Variants in PIK3C2A observed in about 807,000 individuals in gnomAD.
PIK3C2A encodes the protein phosphatidylinositol 4-phosphate 3-kinase C2 domain-containing subunit alpha.
Under a neutral mutation model 204.5 loss-of-function variants are expected in PIK3C2A, and 97 were observed. The ratio of observed to expected loss-of-function variants is 0.47; its 90% confidence interval spans 0.40 to 0.56. PIK3C2A has a LOEUF of 0.56. Ranked by LOEUF, PIK3C2A falls within the 20% of genes least tolerant of loss-of-function variation. The probability of loss-of-function intolerance (pLI) is 0.00; values close to 1 mark genes in which losing one functional copy is unlikely to be tolerated. For missense variants in PIK3C2A, 1,735 were observed against 1,969.2 expected, an observed-to-expected ratio of 0.88 and a Z score of 2.25; for synonymous variants, 653 against 664.4, an observed-to-expected ratio of 0.98 and a Z score of 0.26.
chr11:17,163,295 G>A lies in PIK3C2A; in HGVS notation c.1065+5382C>T, dbSNP rs186171153. Among the ~76,000 whole-genome samples, 21 of 152,216 alleles carry A rather than the reference G, an allele frequency of 1.4e-4. No homozygotes were observed. The South Asian group carries it at 1.7e-3, about 12-fold the overall frequency. On this transcript the variant is annotated intron_variant, in intron 2 of 32. Transcript: ENST00000691414. ...CACTCCAGAGCCTGGGTGACAGAGC[G>A]AGACCCTGTTTCAAAAAAACAAACA...
intron 25 of PIK3C2A, among the ~76,000 whole-genome samples, chr11:17,100,894 C>T (rs924767024): frequency 2.0e-5 from 3 of 152,110 alleles, no homozygotes; most frequent in Admixed American, 6.6e-5. Context: ...TTTTACTTAA[C>T]GATAATATAT....
chr11:17,132,931 G>T (rs1298112238), intron 11 of PIK3C2A, among the ~76,000 whole-genome samples: 4 of 152,102 alleles, frequency 2.6e-5, no homozygotes, highest in Admixed American at 2.6e-4. Flanking sequence ...GATACAGTCA[G>T]GTAATCTTGT....
intron 1 of PIK3C2A, among the ~76,000 whole-genome samples, chr11:17,181,886 G>A (rs564057200): frequency 6.6e-6 from 1 of 151,908 alleles, no homozygotes; most frequent in Admixed American, 6.6e-5. Context: ...GAGGTCAGGA[G>A]TTCGAGACCA....
At chr11:17,195,173 G>A (rs1220429034) in intron 1 of PIK3C2A, among the ~76,000 whole-genome samples, 1 of 152,058 alleles carries the variant, frequency 6.6e-6, no homozygotes, top group Non-Finnish European at 1.5e-5. Context: ...CCAGCACTTT[G>A]GGAGGCCGAG....
chr11:17,125,210 A>T (rs1849484346), intron 13 of PIK3C2A, among the ~76,000 whole-genome samples: 1 of 152,186 alleles, frequency 6.6e-6, no homozygotes, highest in Non-Finnish European at 1.5e-5. Flanking sequence ...GGCACTGATG[A>T]TCACTGCTTA....
Position 17,088,969 on chromosome 11 carries a change from G to C in PIK3C2A, c.*769C>G, listed in dbSNP as rs1476516881. ...TAGATAACTAATTCATACATCAGAAGTAAAGGATTTTTTTGTGGGAAAAAC... is the reference window on the plus strand; with the variant it reads ...TAGATAACTAATTCATACATCAGAACTAAAGGATTTTTTTGTGGGAAAAAC... On this transcript the variant is annotated 3_prime_UTR_variant, in exon 33 of 33. Transcript: ENST00000691414. 6.6e-6 allele frequency: 1 copy of C among 152,196 alleles called. No individual in the cohort carries two copies. The highest frequency in any genetic ancestry group is 2.4e-5 in the African/African-American group (1 of 41,448). 9.4% of individuals were successfully genotyped at this position (152,196 alleles called of 1,614,324 possible). A position where few individuals can be genotyped will look rare whatever the true frequency, so the allele number is the denominator to read the frequency against.
chr11:17,113,221 G>T (rs557416300), intron 20 of PIK3C2A, among the ~76,000 whole-genome samples: 1 of 151,990 alleles, frequency 6.6e-6, no homozygotes. Flanking sequence ...TAACAGATAC[G>T]CAAAAATACT....
chr11:17,160,102 A>T (rs982787393), intron 2 of PIK3C2A, among the ~76,000 whole-genome samples: 2 of 152,238 alleles, frequency 1.3e-5, no homozygotes, highest in African/African-American at 4.8e-5. Flanking sequence ...CTCATGGCCT[A>T]GTCAAGCTGA....
intron 13 of PIK3C2A, among the ~76,000 whole-genome samples, chr11:17,125,163 C>A (rs1456514507): frequency 6.6e-6 from 1 of 152,198 alleles, no homozygotes; most frequent in Non-Finnish European, 1.5e-5. Context: ...GGCATTTTCA[C>A]AGATTTTAAG....
intron 32 of PIK3C2A, among the ~76,000 whole-genome samples, chr11:17,090,225 T>C (rs1168093597): frequency 6.6e-6 from 1 of 152,174 alleles, no homozygotes; most frequent in East Asian, 1.9e-4. Context: ...TCCCAGCACT[T>C]TGGGAGGCTG....
chr11:17,148,572 A>G (rs1054991162), intron 5 of PIK3C2A, 95 bp downstream of exon 5: 29 of 1,018,422 alleles, frequency 2.8e-5, no homozygotes, highest in Admixed American at 4.6e-5. Flanking sequence ...GATCCAATGT[A>G]TTTCTGCATT....
At chr11:17,149,663 A>C (rs1332319464) in intron 4 of PIK3C2A, among the ~76,000 whole-genome samples, 1 of 152,170 alleles carries the variant, frequency 6.6e-6, no homozygotes, top group African/African-American at 2.4e-5. Flanking sequence ...CAGTGAGCCA[A>C]GATCATGCCA....
In PIK3C2A at chr11:17,169,727, A is replaced by G; in HGVS notation, c.15T>C (p.Ser5=). ...GACATTCTTTAAATCCGCTGTTGCT[A>G]GATATCTGAGCCATGTCCACTAAAA... The part of the protein sequence containing the change: MAQI[S]SNSGFKECPS... The change falls in exon 2 of 33, where the codon TCT becomes TCC. Residue 5 remains serine, a synonymous_variant. Transcript: ENST00000691414. The G allele has an allele frequency of 6.3e-7, 1 of 1,599,512 alleles. No individual in the cohort carries two copies. The highest frequency in any genetic ancestry group is 8.5e-7 in the Non-Finnish European group (1 of 1,177,818).
intron 30 of PIK3C2A, 27 bp from the exon 31 acceptor site, chr11:17,091,683 A>C (rs764708324): frequency 7.1e-7 from 1 of 1,409,368 alleles, no homozygotes; most frequent in Non-Finnish European, 9.9e-7. Context: ...TTTCATCTTT[A>C]TTTACTGGTT....
intron 18 of PIK3C2A, 26 bp downstream of exon 18, chr11:17,118,619 G>A (rs374969573): frequency 5.7e-5 from 57 of 996,580 alleles, no homozygotes; most frequent in South Asian, 2.3e-4. Context: ...ATGGAAATAC[G>A]GTAATCAATA....
chr11:17,192,157 A>T (rs976205930), intron 1 of PIK3C2A, among the ~76,000 whole-genome samples: 5 of 152,098 alleles, frequency 3.3e-5, no homozygotes, highest in East Asian at 1.9e-4. Flanking sequence ...ATAAATAAAT[A>T]AATTAATAAT....
At chr11:17,203,330 T>C (rs80161339) in intron 1 of PIK3C2A, among the ~76,000 whole-genome samples, 2 of 147,356 alleles carry the variant, frequency 1.4e-5, no homozygotes, top group Non-Finnish European at 3.0e-5. Flanking sequence ...CCATCTCTAT[T>C]AGAAAAAAAA....
intron 19 of PIK3C2A, among the ~76,000 whole-genome samples, chr11:17,117,081 C>T (rs1040036991): frequency 1.3e-5 from 2 of 152,100 alleles, no homozygotes; most frequent in Non-Finnish European, 2.9e-5. Context: ...ACAGAAAAGT[C>T]CATGAAGTGT....
At chr11:17,182,812 T>G (rs981741909) in intron 1 of PIK3C2A, among the ~76,000 whole-genome samples, 8 of 152,160 alleles carry the variant, frequency 5.3e-5, no homozygotes, top group African/African-American at 1.9e-4. Flanking sequence ...ATGATCAATT[T>G]ATGTAAAACA....
Sources: allele counts gnomAD v4.1 joint callset (sites outside exome capture counted in the v4.1 genomes callset), GRCh38; gene constraint gnomAD v4.1.1; transcripts MANE v1.5; gene names NCBI Gene and HGNC (gene_info 2026-07-23, HGNC 2026-07-21).